CD96: variants seen among roughly 807,000 people sequenced by gnomAD.
The protein encoded by CD96 is T-cell surface protein tactile.
In CD96, 70 loss-of-function variants were observed where a neutral mutation model predicts 71.3. The observed-to-expected ratio is 0.98, with a 90% CI of 0.81 to 1.20. CD96 has a LOEUF of 1.20. CD96 is among the 50% of genes most tolerant of loss of function. CD96 has a pLI of 0.00. For missense variants in CD96, 742 were observed against 677.5 expected (o/e 1.10, Z -1.06); for synonymous variants, 248 against 233.0 (o/e 1.06, Z -0.59).
At chr3:111,589,197 G>T (rs1426570161) in intron 5 of CD96, among the ~76,000 whole-genome samples, 1 of 152,032 alleles carries the variant, frequency 6.6e-6, no homozygotes, top group South Asian at 2.1e-4. Context: ...TGATCCGCCC[G>T]CCTCGGCCTC....
At chr3:111,655,295 C>G (rs1051610736), downstream of CD96, among the ~76,000 whole-genome samples, 1 of 151,928 alleles carries the variant, frequency 6.6e-6, no homozygotes, top group Non-Finnish European at 1.5e-5. Context: ...TTTTCGATGG[C>G]CAGTTTAGGG....
Position 111,561,876 on chromosome 3 carries a change from G to A in CD96, c.419-5647G>A, listed in dbSNP as rs1379096582. On this transcript the variant is annotated intron_variant, in intron 2 of 13. Coordinates refer to ENST00000352690, the MANE Select transcript of CD96 (RefSeq NM_005816.5). ...AATCAGCGAGATTCCGTGGGCGTAG[G>A]ACCCTCCGAGCCAGGTGTGGGATAT... Among the ~76,000 whole-genome samples, 10 of 151,262 alleles carry A rather than the reference G, an allele frequency of 6.6e-5. No individual in the cohort carries two copies. In the East Asian group the frequency reaches 1.8e-3, roughly 26 times the overall value.
At chr3:111,618,530 A>G (rs1938357851) in intron 8 of CD96, among the ~76,000 whole-genome samples, 1 of 151,542 alleles carries the variant, frequency 6.6e-6, no homozygotes, top group East Asian at 1.9e-4. Context: ...AGACCTTTAT[A>G]TGTAATTTTT....
At chr3:111,549,439 A>G (rs959894467) in intron 2 of CD96, among the ~76,000 whole-genome samples, 3 of 152,158 alleles carry the variant, frequency 2.0e-5, no homozygotes, top group African/African-American at 7.2e-5. Flanking sequence ...AACTAATTAA[A>G]AGGTGGTTGT....
intron 12 of CD96, among the ~76,000 whole-genome samples, chr3:111,643,122 G>C (rs1939671780): frequency 7.1e-6 from 1 of 141,192 alleles, no homozygotes; most frequent in South Asian, 2.3e-4. Context: ...CATATCAAAA[G>C]GATAATCCAC....
At chr3:111,656,391 C>A (rs1940229895), downstream of CD96, among the ~76,000 whole-genome samples, 1 of 152,160 alleles carries the variant, frequency 6.6e-6, no homozygotes, top group Non-Finnish European at 1.5e-5. Flanking sequence ...AACATGCACA[C>A]TCATATACTG....
At chr3:111,595,873 C>T (rs1313066869) in intron 5 of CD96, among the ~76,000 whole-genome samples, 5 of 151,978 alleles carry the variant, frequency 3.3e-5, no homozygotes, top group Non-Finnish European at 7.4e-5. Context: ...ATAGAAATGG[C>T]ATTGCAGGCC....
chr3:111,545,953 CA>C (rs1192977103), intron 2 of CD96, among the ~76,000 whole-genome samples: 4 of 151,396 alleles, frequency 2.6e-5, no homozygotes, highest in Admixed American at 1.3e-4. Flanking sequence ...GTATTTCCAA[CA>C]AAAGGATGGC....
At position 111,568,730 on chromosome 3, in the gene CD96, A is replaced by G. The variant is rs530605257; in HGVS notation, c.543+1083A>G. ...AACTAAAATTGAGCTTTTTCTCATAACACGTAAACAAAATCAACATGAGGA... is the reference window on the plus strand; with the variant it reads ...AACTAAAATTGAGCTTTTTCTCATAGCACGTAAACAAAATCAACATGAGGA... On this transcript the variant is annotated intron_variant, in intron 3 of 13. Transcript: ENST00000352690. Among the ~76,000 whole-genome samples, 3 of 152,344 alleles carry G rather than the reference A, an allele frequency of 2.0e-5. No individual in the cohort carries two copies. The East Asian group carries it at 5.8e-4, about 29-fold the overall frequency.
intron 2 of CD96, among the ~76,000 whole-genome samples, chr3:111,557,712 CT>C (rs1195964395): frequency 1.4e-5 from 2 of 139,488 alleles, no homozygotes; most frequent in African/African-American, 2.7e-5. Context: ...TCCATATGAA[CT>C]TTAAAGTAGT....
intron 2 of CD96, among the ~76,000 whole-genome samples, chr3:111,552,464 T>C (rs1215249407): frequency 6.6e-6 from 1 of 152,184 alleles, no homozygotes; most frequent in Non-Finnish European, 1.5e-5. Flanking sequence ...TAAACAAATA[T>C]GTCTTTTAAT....
At chr3:111,638,211 A>C in intron 12 of CD96, 43 bp downstream of exon 12, 1 of 1,174,246 alleles carries the variant, frequency 8.5e-7, no homozygotes, top group Non-Finnish European at 1.3e-6. Context: ...TGCTTTATTC[A>C]CTCAATAAAT....
intron 13 of CD96, 66 bp downstream of exon 13, chr3:111,647,732 A>G: frequency 3.4e-6 from 4 of 1,166,516 alleles, no homozygotes; most frequent in Non-Finnish European, 5.1e-6. Flanking sequence ...CATCAGTACA[A>G]TATATTATTA....
chr3:111,554,091 C>T (rs73228127), intron 2 of CD96, among the ~76,000 whole-genome samples: 2,921 of 152,020 alleles, frequency 0.019, 36 homozygotes, highest in Non-Finnish European at 0.031. Context: ...TACTTGCATG[C>T]TTTCTTTTAT....
chr3:111,543,485 A>G (rs773730587), intron 1 of CD96, among the ~76,000 whole-genome samples: 1 of 152,194 alleles, frequency 6.6e-6, no homozygotes, highest in Non-Finnish European at 1.5e-5. Context: ...ATCCTTGTAT[A>G]TTGAAAGTGA....
intron 7 of CD96, 45 bp downstream of exon 7, chr3:111,600,959 G>T (rs781452794): frequency 8.2e-7 from 1 of 1,217,268 alleles, no homozygotes; most frequent in Middle Eastern, 1.9e-4. Flanking sequence ...TGCTAAGACT[G>T]CCATAAATTC....
downstream of CD96, among the ~76,000 whole-genome samples, chr3:111,657,224 C>G (rs545565337): frequency 1.3e-5 from 2 of 152,174 alleles, no homozygotes; most frequent in Non-Finnish European, 2.9e-5. Context: ...TTGAGACCAG[C>G]CTGGCCAACA....
intron 14 of CD96, among the ~76,000 whole-genome samples, chr3:111,663,123 G>C (rs1235734579): frequency 6.6e-6 from 1 of 152,200 alleles, no homozygotes; most frequent in Non-Finnish European, 1.5e-5. Context: ...AGGAGAGAGA[G>C]AGAACAAAGG....
intron 12 of CD96, among the ~76,000 whole-genome samples, chr3:111,640,376 T>C (rs1241869177): frequency 6.6e-6 from 1 of 152,088 alleles, no homozygotes; most frequent in Non-Finnish European, 1.5e-5. Context: ...ATTGAACAAA[T>C]AGAAGAAAGA....
Sources: gnomAD v4.1 joint callset for allele counts (sites outside exome capture counted in the v4.1 genomes callset) on GRCh38, gnomAD v4.1.1 for gene constraint, MANE v1.5 for transcripts, NCBI Gene and HGNC (gene_info 2026-07-23, HGNC 2026-07-21) for gene names.